Variants in PLCB1 observed in about 807,000 individuals in gnomAD.
PLCB1 encodes 1-phosphatidylinositol 4,5-bisphosphate phosphodiesterase beta-1.
In PLCB1, 46 loss-of-function variants were observed where a neutral mutation model predicts 161.8. That is an observed-to-expected ratio of 0.28 (90% CI 0.22 to 0.36). The LOEUF (loss-of-function observed/expected upper bound fraction) is 0.36, where lower values mean the gene tolerates loss of function less well. PLCB1 is among the 10% of genes least tolerant of loss of function. The probability of loss-of-function intolerance (pLI) is 1.00; values close to 1 mark genes in which losing one functional copy is unlikely to be tolerated. For synonymous variants in PLCB1, 517 were observed against 503.7 expected (o/e 1.03, Z -0.35); for missense variants, 1,016 against 1,472.5 (o/e 0.69, Z 5.07).
chr20:8,392,457 T>C (rs893443420), intron 3 of PLCB1, among the ~76,000 whole-genome samples: 13 of 152,158 alleles, frequency 8.5e-5, no homozygotes, highest in Non-Finnish European at 1.3e-4. Flanking sequence ...TAGACTAAGA[T>C]ACTAGTTTTT....
At chr20:8,428,176 A>C (rs570671015) in intron 3 of PLCB1, among the ~76,000 whole-genome samples, 1 of 152,162 alleles carries the variant, frequency 6.6e-6, no homozygotes, top group Non-Finnish European at 1.5e-5. Flanking sequence ...CTAATAAAAA[A>C]AGAAAAGAAA....
At chr20:8,596,852 C>G (rs1279402984) in intron 3 of PLCB1, among the ~76,000 whole-genome samples, 1 of 150,492 alleles carries the variant, frequency 6.6e-6, no homozygotes. Flanking sequence ...GTATTTTATT[C>G]TCTTTGAAGC....
intron 2 of PLCB1, among the ~76,000 whole-genome samples, chr20:8,198,091 T>G (rs6055631): frequency 0.025 from 3,864 of 152,194 alleles, 182 homozygotes; most frequent in African/African-American, 0.088. Context: ...AGTCAGGTAG[T>G]GTGATGCCTC....
At chr20:8,485,947 A>G (rs997703358) in intron 3 of PLCB1, among the ~76,000 whole-genome samples, 8 of 152,080 alleles carry the variant, frequency 5.3e-5, no homozygotes, top group African/African-American at 1.9e-4. Context: ...AGTTTAATTG[A>G]CTCACAGTTC....
intron 31 of PLCB1, among the ~76,000 whole-genome samples, chr20:8,798,021 C>T (rs974519969): frequency 1.3e-5 from 2 of 152,106 alleles, no homozygotes; most frequent in African/African-American, 4.8e-5. Flanking sequence ...TGGTGAAACA[C>T]TGACTCTATT....
chr20:8,866,092 A>G (rs6086668), intron 31 of PLCB1, among the ~76,000 whole-genome samples: 45,621 of 152,128 alleles, frequency 0.3, 7,772 homozygotes, highest in East Asian at 0.65. Flanking sequence ...ACAAAAGAGG[A>G]TTTCTATAAA....
chr20:8,311,347 G>C (rs1350906776), intron 2 of PLCB1, among the ~76,000 whole-genome samples: 1 of 152,206 alleles, frequency 6.6e-6, no homozygotes, highest in Non-Finnish European at 1.5e-5. Context: ...ATCATGAATA[G>C]ATATGTTTAT....
chr20:8,561,654 G>A (rs760351965), intron 3 of PLCB1, among the ~76,000 whole-genome samples: 7 of 151,886 alleles, frequency 4.6e-5, no homozygotes, highest in Non-Finnish European at 7.4e-5. Context: ...TTCCTCATTT[G>A]TGTTTGGTAA....
chr20:8,140,282 G>A (rs554841838), intron 1 of PLCB1, among the ~76,000 whole-genome samples: 2 of 152,210 alleles, frequency 1.3e-5, no homozygotes, highest in South Asian at 2.1e-4. Flanking sequence ...TCTGTCAAGT[G>A]CTTACTTTAT....
At chr20:8,520,674 G>A (rs1323459709) in intron 3 of PLCB1, among the ~76,000 whole-genome samples, 3 of 152,208 alleles carry the variant, frequency 2.0e-5, no homozygotes, top group South Asian at 4.1e-4. Flanking sequence ...ACCACTCCAC[G>A]ACTAAAGGCA....
At chr20:8,452,568 C>T (rs1371554023) in intron 3 of PLCB1, among the ~76,000 whole-genome samples, 3 of 152,170 alleles carry the variant, frequency 2.0e-5, no homozygotes, top group African/African-American at 7.2e-5. Context: ...TTTTGAAGAA[C>T]ATCACTGAAG....
intron 8 of PLCB1, 149 bp downstream of exon 8, chr20:8,657,433 C>G (rs548478437): frequency 1.6e-6 from 1 of 640,508 alleles, no homozygotes; most frequent in Non-Finnish European, 2.9e-6. Context: ...TGGATAGGAT[C>G]ACACAATCTT....
chr20:8,205,454 T>C (rs990992846), intron 2 of PLCB1, among the ~76,000 whole-genome samples: 2 of 152,088 alleles, frequency 1.3e-5, no homozygotes, highest in Non-Finnish European at 2.9e-5. Context: ...TACTATACTA[T>C]AGGAAGTAGG....
intron 3 of PLCB1, among the ~76,000 whole-genome samples, chr20:8,468,559 C>A (rs1034779681): frequency 6.6e-6 from 1 of 152,104 alleles, no homozygotes; most frequent in African/African-American, 2.4e-5. Flanking sequence ...TACCATCATA[C>A]CTGCCACAAT....
At chr20:8,200,583 A>C (rs527795073) in intron 2 of PLCB1, among the ~76,000 whole-genome samples, 6 of 152,160 alleles carry the variant, frequency 3.9e-5, no homozygotes, top group Admixed American at 1.3e-4. Context: ...GGAGCTTAGA[A>C]TATTGATCTA....
At chr20:8,828,838 A>G (rs1438529323) in intron 31 of PLCB1, among the ~76,000 whole-genome samples, 4 of 152,184 alleles carry the variant, frequency 2.6e-5, no homozygotes, top group African/African-American at 9.6e-5. Flanking sequence ...TTTGTCCTGA[A>G]TAGATTCCCT....
chr20:8,557,316 A>T (rs931408862), intron 3 of PLCB1, among the ~76,000 whole-genome samples: 2 of 152,082 alleles, frequency 1.3e-5, no homozygotes, highest in Non-Finnish European at 2.9e-5. Context: ...CAGTGGAGAA[A>T]TAGATAAACA....
chr20:8,296,451 G>A (rs1446600362), intron 2 of PLCB1, among the ~76,000 whole-genome samples: 3 of 152,138 alleles, frequency 2.0e-5, no homozygotes, highest in Admixed American at 6.6e-5. Context: ...CCAAGAACCC[G>A]AGAGCTCTCT....
At chr20:8,516,342 C>T (rs1208688174) in intron 3 of PLCB1, among the ~76,000 whole-genome samples, 1 of 152,102 alleles carries the variant, frequency 6.6e-6, no homozygotes, top group African/African-American at 2.4e-5. Context: ...CTGGCCAAAG[C>T]CAGTTACATA....
Sources: gnomAD v4.1 joint callset for allele counts (sites outside exome capture counted in the v4.1 genomes callset) on GRCh38, gnomAD v4.1.1 for gene constraint, MANE v1.5 for transcripts, NCBI Gene and HGNC (gene_info 2026-07-23, HGNC 2026-07-21) for gene names.